CELA2A: variants seen among roughly 807,000 people sequenced by gnomAD.
The protein encoded by CELA2A is chymotrypsin-like elastase family member 2A.
Under a neutral mutation model 35.3 loss-of-function variants are expected in CELA2A, and 31 were observed. The ratio of observed to expected loss-of-function variants is 0.88; its 90% CI spans 0.66 to 1.19. CELA2A has a LOEUF of 1.19. CELA2A is among the 50% of genes most tolerant of loss of function. The probability of loss-of-function intolerance (pLI) is 0.00; values close to 1 mark genes in which losing one functional copy is unlikely to be tolerated. For missense variants in CELA2A, 330 were observed against 352.9 expected (o/e 0.94, Z 0.52); for synonymous variants, 150 against 149.8 (o/e 1.00, Z -0.01).
In CELA2A at chr1:15,472,083, T is replaced by C; in HGVS notation, c.*76T>C. The C allele has an allele frequency of 3.2e-6, 5 of 1,580,662 alleles. No homozygotes were observed. The South Asian group carries it at 5.5e-5, about 17-fold the overall frequency. On this transcript the variant is annotated 3_prime_UTR_variant, in exon 8 of 8. Transcript: ENST00000359621. ...AAATAATATAATAAAGTGACAACTA[T>C]GCAAATCACATCTTGATGAGAGATT...
intron 5 of CELA2A, among the ~76,000 whole-genome samples, chr1:15,464,531 A>AT (rs1411191161): frequency 2.0e-5 from 3 of 152,092 alleles, no homozygotes; most frequent in East Asian, 3.8e-4. Flanking sequence ...ACATTATGAC[A>AT]TTTTTTCCTA....
chr1:15,466,581 C>G lies in CELA2A; in HGVS notation c.639+437C>G, dbSNP rs148791264. ...AAAAAAAAAAACAAAAAAACTTGAT[C>G]TTGGTTCTTTTTTGTTCTTGTTTTG... On this transcript the variant is annotated intron_variant, in intron 6 of 7. Transcript: ENST00000359621. Among the ~76,000 whole-genome samples the G allele has an allele frequency of 1.2e-4, 18 of 151,948 alleles. No homozygotes were observed. The East Asian group carries it at 3.1e-3, about 26-fold the overall frequency.
intron 5 of CELA2A, among the ~76,000 whole-genome samples, chr1:15,464,007 T>G (rs1708477267): frequency 6.6e-6 from 1 of 151,954 alleles, no homozygotes; most frequent in Admixed American, 6.5e-5. Context: ...AGCCAAGATT[T>G]CGCTACTGCA....
chr1:15,467,316 T>G, intron 6 of CELA2A, 70 bp from the exon 7 acceptor site: 7 of 1,505,504 alleles, frequency 4.6e-6, no homozygotes, highest in Non-Finnish European at 6.4e-6. Flanking sequence ...AGAAATGCAT[T>G]GAGAACAATG....
chr1:15,461,498 C>A, intron 2 of CELA2A, 63 bp from the exon 3 acceptor site: 2 of 1,576,018 alleles, frequency 1.3e-6, no homozygotes, highest in African/African-American at 1.3e-5. Context: ...TCTTGGGAAA[C>A]TGGAGTGCAG....
intron 6 of CELA2A, 82 bp downstream of exon 6, chr1:15,466,226 C>A: frequency 6.8e-7 from 1 of 1,463,184 alleles, no homozygotes; most frequent in South Asian, 1.2e-5. Flanking sequence ...CTCCATAGGT[C>A]CATCCTCCCA....
intron 3 of CELA2A, among the ~76,000 whole-genome samples, chr1:15,462,465 C>A (rs1295801820): frequency 6.6e-6 from 1 of 152,180 alleles, no homozygotes; most frequent in Non-Finnish European, 1.5e-5. Flanking sequence ...ATCTCATTCC[C>A]TCCATAAGAA....
chr1:15,458,933 A>T (rs1365934477), intron 2 of CELA2A, among the ~76,000 whole-genome samples: 1 of 85,932 alleles, frequency 1.2e-5, no homozygotes, highest in African/African-American at 2.9e-5. Context: ...AAAAAAAAAA[A>T]AAAAAAAAAA....
In CELA2A at chr1:15,456,880, C is replaced by T. The variant is rs567220921; in HGVS notation, c.40+87C>T. 7.8e-6 allele frequency: 12 copies of T among 1,545,334 alleles called. No homozygotes were observed. In the African/African-American group the frequency reaches 1.6e-4, roughly 21 times the overall value. ...TTCCTGTCCTCCCCTCTCGCCCCCACCCAACCCCTACTGCATTCAGACCTA... is the reference window on the plus strand; with the variant it reads ...TTCCTGTCCTCCCCTCTCGCCCCCATCCAACCCCTACTGCATTCAGACCTA... On this transcript the variant is annotated intron_variant, in intron 1 of 7. Coordinates refer to ENST00000359621, the MANE Select transcript of CELA2A (RefSeq NM_033440.3).
intron 5 of CELA2A, among the ~76,000 whole-genome samples, chr1:15,465,003 C>CTTT (rs34001591): frequency 1.3e-4 from 10 of 77,466 alleles, no homozygotes; most frequent in East Asian, 4.3e-4. Flanking sequence ...CTTAACTTCC[C>CTTT]TTTTTTTTTT....
At chr1:15,458,401 A>T (rs1263088688) in intron 2 of CELA2A, among the ~76,000 whole-genome samples, 1 of 152,212 alleles carries the variant, frequency 6.6e-6, no homozygotes, top group Admixed American at 6.5e-5. Flanking sequence ...TTCTGAACTC[A>T]TATTTCATTG....
intron 5 of CELA2A, among the ~76,000 whole-genome samples, chr1:15,463,926 C>G (rs1332072914): frequency 6.6e-6 from 1 of 151,848 alleles, no homozygotes; most frequent in Non-Finnish European, 1.5e-5. Context: ...GCAGTGTGCA[C>G]CTGTAGTCCC....
intron 7 of CELA2A, among the ~76,000 whole-genome samples, chr1:15,468,380 G>A (rs72643666): frequency 6.6e-6 from 1 of 152,168 alleles, no homozygotes; most frequent in Non-Finnish European, 1.5e-5. Flanking sequence ...CAGGCAAATA[G>A]AGCTGAGTTG....
intron 7 of CELA2A, 72 bp downstream of exon 7, chr1:15,467,610 C>T: frequency 6.5e-7 from 1 of 1,547,576 alleles, no homozygotes; most frequent in Non-Finnish European, 8.8e-7. Flanking sequence ...CCATGCCCAC[C>T]TGGTGACTGA....
intron 3 of CELA2A, 64 bp downstream of exon 3, chr1:15,461,722 C>T: frequency 6.3e-7 from 1 of 1,581,552 alleles, no homozygotes; most frequent in Non-Finnish European, 8.7e-7. Flanking sequence ...GAGCTGGGGG[C>T]TCAAATGGCC....
intron 2 of CELA2A, among the ~76,000 whole-genome samples, chr1:15,461,200 C>T (rs4661629): frequency 0.7 from 106,189 of 151,844 alleles, 37,596 homozygotes; most frequent in Non-Finnish European, 0.76. Context: ...ATTATAAGAA[C>T]TATAATTCAA....
intron 5 of CELA2A, among the ~76,000 whole-genome samples, chr1:15,464,287 C>A (rs762233883): frequency 6.6e-6 from 1 of 152,082 alleles, no homozygotes; most frequent in African/African-American, 2.4e-5. Flanking sequence ...TCAGACCCTC[C>A]ATGCCCCATA....
chr1:15,460,271 T>C (rs1367864743), intron 2 of CELA2A, among the ~76,000 whole-genome samples: 1 of 151,664 alleles, frequency 6.6e-6, no homozygotes, highest in Non-Finnish European at 1.5e-5. Context: ...GTGGGCTAAA[T>C]TTCACATCTG....
chr1:15,471,884 C>A, intron 7 of CELA2A, 106 bp from the exon 8 acceptor site: 1 of 1,378,446 alleles, frequency 7.3e-7, no homozygotes, highest in Non-Finnish European at 1.0e-6. Flanking sequence ...GTGTGGGCTG[C>A]CTGTAACTCA....
Sources: allele counts gnomAD v4.1 joint callset (sites outside exome capture counted in the v4.1 genomes callset), GRCh38; gene constraint gnomAD v4.1.1; transcripts MANE v1.5; gene names NCBI Gene and HGNC (gene_info 2026-07-23, HGNC 2026-07-21).